SLCO6A1: variants seen among roughly 807,000 people sequenced by gnomAD.
The protein encoded by SLCO6A1 is solute carrier organic anion transporter family member 6A1, also known as cancer/testis antigen 48.
SLCO6A1 carries 65 observed loss-of-function variants against 72.7 expected under a neutral mutation model. That is an observed-to-expected ratio of 0.89 (90% CI 0.73 to 1.10). The LOEUF is 1.10. SLCO6A1 is among the 50% of genes least tolerant of loss of function. SLCO6A1 has a pLI of 0.00. For synonymous variants in SLCO6A1, 314 were observed against 298.2 expected, an observed-to-expected ratio of 1.05 and a Z score of -0.55; for missense variants, 874 against 872.6, an observed-to-expected ratio of 1.00 and a Z score of -0.02.
chr5:102,409,694 A>G (rs1425044321), intron 9 of SLCO6A1, among the ~76,000 whole-genome samples: 1 of 152,202 alleles, frequency 6.6e-6, no homozygotes, highest in Non-Finnish European at 1.5e-5. Flanking sequence ...ATCAAATGTT[A>G]TCACACAGTT....
intron 7 of SLCO6A1, among the ~76,000 whole-genome samples, chr5:102,428,815 G>A (rs1749056397): frequency 6.6e-6 from 1 of 152,170 alleles, no homozygotes; most frequent in Non-Finnish European, 1.5e-5. Flanking sequence ...TATATATCCA[G>A]TAATGAGATT....
chr5:102,453,129 A>C (rs941743938), intron 6 of SLCO6A1, among the ~76,000 whole-genome samples: 1 of 152,110 alleles, frequency 6.6e-6, no homozygotes, highest in African/African-American at 2.4e-5. Flanking sequence ...CCCTAATCTA[A>C]AATCAGAGAT....
At chr5:102,493,167 C>T (rs974436170) in intron 1 of SLCO6A1, among the ~76,000 whole-genome samples, 11 of 82,674 alleles carry the variant, frequency 1.3e-4, no homozygotes, top group African/African-American at 3.9e-4. Flanking sequence ...ATTAATTTAG[C>T]GAAACTATTA....
chr5:102,387,010 C>G (rs1370399905), intron 12 of SLCO6A1, among the ~76,000 whole-genome samples: 3 of 152,130 alleles, frequency 2.0e-5, no homozygotes, highest in African/African-American at 7.2e-5. Context: ...CTGCTACTTC[C>G]ATGTGCTATA....
Position 102,388,794 on chromosome 5 carries a change from C to T in SLCO6A1, c.1911G>A (p.Met637Ile), listed in dbSNP as rs575398331. 1 of 1,606,866 alleles carries T rather than the reference C, an allele frequency of 6.2e-7. No homozygotes were observed. Among genetic ancestry groups the T allele is most frequent in the Non-Finnish European group, 8.5e-7 (1 of 1,177,920 alleles). The part of the protein sequence containing the change: ...GTIPGPSIFK[M>I]SGETSCILRD... ...GTAAAATACAAGAAGTTTCTCCTGA[C>T]ATTTTAAAGATTGATGGTCCAGGAA... The change falls in exon 12 of 14, where the codon ATG becomes ATA. Residue 637 changes from methionine to isoleucine, a missense_variant. By Grantham distance (10) the Met-to-Ile change is conservative (BLOSUM62 1). Coordinates refer to ENST00000506729, the MANE Select transcript of SLCO6A1 (RefSeq NM_173488.5).
intron 12 of SLCO6A1, among the ~76,000 whole-genome samples, chr5:102,383,632 T>C (rs1009732968): frequency 6.6e-6 from 1 of 151,822 alleles, no homozygotes; most frequent in African/African-American, 2.4e-5. Context: ...TTTGTGTTCA[T>C]CAGGGATATT....
At chr5:102,455,109 C>T (rs895832982) in intron 6 of SLCO6A1, among the ~76,000 whole-genome samples, 1 of 149,658 alleles carries the variant, frequency 6.7e-6, no homozygotes, top group East Asian at 1.9e-4. Flanking sequence ...TGAGATTTGA[C>T]AAAGAGTTTT....
intron 1 of SLCO6A1, among the ~76,000 whole-genome samples, chr5:102,487,411 A>G (rs184035221): frequency 3.9e-5 from 6 of 152,368 alleles, no homozygotes; most frequent in African/African-American, 1.4e-4. Flanking sequence ...ATTACCAAAT[A>G]ACAAAATCAT....
chr5:102,483,666 G>A (rs1454101818), intron 1 of SLCO6A1, among the ~76,000 whole-genome samples: 1 of 152,120 alleles, frequency 6.6e-6, no homozygotes, highest in East Asian at 1.9e-4. Context: ...TTTATAAGGG[G>A]AATTAGCATT....
At chr5:102,457,482 C>T (rs1223466058) in intron 6 of SLCO6A1, among the ~76,000 whole-genome samples, 1 of 152,012 alleles carries the variant, frequency 6.6e-6, no homozygotes, top group Non-Finnish European at 1.5e-5. Context: ...ATTTATGCTG[C>T]CAAAAGACAC....
At chr5:102,451,020 G>C (rs1334320291) in intron 6 of SLCO6A1, among the ~76,000 whole-genome samples, 1 of 152,194 alleles carries the variant, frequency 6.6e-6, no homozygotes, top group Non-Finnish European at 1.5e-5. Flanking sequence ...CAACTGAAGG[G>C]TTCAGGTTGG....
chr5:102,380,374 CTT>C (rs1580320414), intron 12 of SLCO6A1, among the ~76,000 whole-genome samples: 1 of 151,958 alleles, frequency 6.6e-6, no homozygotes, highest in African/African-American at 2.4e-5. Context: ...CTAATTAAAA[CTT>C]AAGATTTGAA....
At chr5:102,450,516 C>T (rs1750356821) in intron 6 of SLCO6A1, among the ~76,000 whole-genome samples, 1 of 152,230 alleles carries the variant, frequency 6.6e-6, no homozygotes, top group Non-Finnish European at 1.5e-5. Flanking sequence ...GTATTTGCAG[C>T]CATGCTCTCT....
chr5:102,476,302 A>AAATAC (rs1751897786), intron 3 of SLCO6A1, among the ~76,000 whole-genome samples: 1 of 152,184 alleles, frequency 6.6e-6, no homozygotes, highest in Non-Finnish European at 1.5e-5. Context: ...GGCTCATACA[A>AAATAC]AATACAATTA....
At chr5:102,398,927 CTT>C in intron 10 of SLCO6A1, among the ~76,000 whole-genome samples, 1 of 152,002 alleles carries the variant, frequency 6.6e-6, no homozygotes, top group Non-Finnish European at 1.5e-5. Context: ...ATTTTCCTCT[CTT>C]TGTTTCCTGG....
rs1184844763 is a variant in SLCO6A1, at chr5:102,469,144, C to CT, written c.899+6552dup. On this transcript the variant is annotated intron_variant, in intron 4 of 13. Coordinates refer to ENST00000506729, the MANE Select transcript of SLCO6A1 (RefSeq NM_173488.5). ...CTTAGGATTGTCTTGGCTATGCAGG[C>CT]TTTTTTTTTTGGTTTCACATGAAGT... 2.7e-3 allele frequency among the ~76,000 whole-genome samples: 393 copies of CT among 146,844 alleles called. 3 individuals carry two copies. Among genetic ancestry groups the CT allele is most frequent in the African/African-American group, 8.1e-3 (327 of 40,124 alleles).
chr5:102,483,825 C>T (rs1248083682), intron 1 of SLCO6A1, among the ~76,000 whole-genome samples: 1 of 152,120 alleles, frequency 6.6e-6, no homozygotes, highest in Non-Finnish European at 1.5e-5. Context: ...ACCCAGATGC[C>T]TTTATCCTAA....
At position 102,498,804 on chromosome 5, in the gene SLCO6A1, T is replaced by C; in HGVS notation, c.41A>G (p.Glu14Gly). The C allele has an allele frequency of 6.2e-7, 1 of 1,613,394 alleles. No individual in the cohort carries two copies. The highest frequency in any genetic ancestry group is 8.5e-7 in the Non-Finnish European group (1 of 1,179,850). ...GVARHSGSQD[E>G]VSRGVEPLEA... ...CAGCGGCTCTACTCCCCTTGAGACT[T>C]CATCCTGGCTCCCAGAGTGCCGGGC... The change falls in exon 1 of 14, where the codon GAA becomes GGA. Residue 14 changes from glutamate to glycine, a missense_variant. Glu to Gly is a moderately conservative substitution (Grantham distance 98). Transcript: ENST00000506729.
chr5:102,424,193 A>T, intron 7 of SLCO6A1, among the ~76,000 whole-genome samples: 1 of 152,200 alleles, frequency 6.6e-6, no homozygotes, highest in East Asian at 1.9e-4. Context: ...TTGACACCAT[A>T]ACATTGCAAT....
Sources: gnomAD v4.1 joint callset for allele counts (sites outside exome capture counted in the v4.1 genomes callset) on GRCh38, gnomAD v4.1.1 for gene constraint, MANE v1.5 for transcripts, NCBI Gene and HGNC (gene_info 2026-07-23, HGNC 2026-07-21) for gene names.